The following KAZN variants were observed in gnomAD, a reference collection of about 807,000 sequenced individuals.
The protein encoded by KAZN is kazrin.
A neutral mutation model predicts 87.4 loss-of-function variants in KAZN; 40 were observed. The observed-to-expected ratio is 0.46, with a 90% CI of 0.36 to 0.60. KAZN has a LOEUF of 0.60. KAZN is among the 20% of genes least tolerant of loss of function. KAZN has a pLI of 0.00. For missense variants in KAZN, 898 were observed against 1,073.9 expected, an observed-to-expected ratio of 0.84 and a Z score of 2.29; for synonymous variants, 466 against 458.3, an observed-to-expected ratio of 1.02 and a Z score of -0.22.
At chr1:14,323,425 C>A (rs1363184374) in intron 2 of KAZN, among the ~76,000 whole-genome samples, 1 of 152,040 alleles carries the variant, frequency 6.6e-6, no homozygotes, top group Non-Finnish European at 1.5e-5. Context: ...ATATAAAATA[C>A]CCTCTCCCCT....
intron 2 of KAZN, among the ~76,000 whole-genome samples, chr1:14,411,938 T>G (rs529073381): frequency 6.6e-6 from 1 of 152,244 alleles, no homozygotes; most frequent in African/African-American, 2.4e-5. Flanking sequence ...TTAGAGAAAT[T>G]TGAAATGACA....
At chr1:14,877,156 G>C (rs937146694) in intron 1 of KAZN, among the ~76,000 whole-genome samples, 4 of 152,066 alleles carry the variant, frequency 2.6e-5, no homozygotes, top group Non-Finnish European at 4.4e-5. Context: ...GCACTCTCTC[G>C]GACTCTCTTG....
intron 1 of KAZN, among the ~76,000 whole-genome samples, chr1:14,640,025 T>C (rs1285838481): frequency 1.3e-5 from 2 of 152,142 alleles, no homozygotes; most frequent in East Asian, 1.9e-4. Context: ...GGGAGGACCA[T>C]GGGCACAGCT....
chr1:14,061,360 A>T (rs1198024924), intron 1 of KAZN, among the ~76,000 whole-genome samples: 1 of 152,164 alleles, frequency 6.6e-6, no homozygotes, highest in Non-Finnish European at 1.5e-5. Context: ...GATTCCTGGG[A>T]AAAGGGTCAG....
chr1:14,511,400 A>G (rs1428223928), intron 2 of KAZN, among the ~76,000 whole-genome samples: 3 of 152,178 alleles, frequency 2.0e-5, no homozygotes, highest in East Asian at 1.9e-4. Flanking sequence ...CACTTCAGGG[A>G]GTAGAAACTA....
chr1:14,320,911 T>G (rs1656002718), intron 2 of KAZN, among the ~76,000 whole-genome samples: 3 of 152,214 alleles, frequency 2.0e-5, no homozygotes, highest in African/African-American at 7.2e-5. Flanking sequence ...TAAAGTCTCT[T>G]CCAGCTCTAA....
chr1:14,290,545 C>T lies in KAZN; in HGVS notation c.249+109953C>T, dbSNP rs530836675. On this transcript the variant is annotated intron_variant, in intron 2 of 16. Coordinates refer to the KAZN transcript ENST00000636203. Reference sequence around the variant, plus strand: ...GCTCCATCAGGTCATTTAAGGTCTTCTCTACACTGTTTGTTCTAGTTAGCC... The same window carrying T: ...GCTCCATCAGGTCATTTAAGGTCTTTTCTACACTGTTTGTTCTAGTTAGCC... 8.5e-5 allele frequency among the ~76,000 whole-genome samples: 13 copies of T among 152,316 alleles called. No individual in the cohort carries two copies. The South Asian group carries it at 1.0e-3, about 12-fold the overall frequency.
At chr1:14,248,456 G>T (rs1649712283) in intron 2 of KAZN, among the ~76,000 whole-genome samples, 1 of 152,202 alleles carries the variant, frequency 6.6e-6, no homozygotes, top group Non-Finnish European at 1.5e-5. Context: ...AAGAAGAATC[G>T]GACAGCTCCA....
At chr1:14,514,218 G>C (rs1377432887) in intron 2 of KAZN, among the ~76,000 whole-genome samples, 2 of 139,956 alleles carry the variant, frequency 1.4e-5, no homozygotes, top group African/African-American at 5.4e-5. Context: ...CCAGCTACTC[G>C]GGAGGCTGAG....
At chr1:14,474,577 G>A (rs934163929) in intron 2 of KAZN, among the ~76,000 whole-genome samples, 1 of 152,198 alleles carries the variant, frequency 6.6e-6, no homozygotes, top group African/African-American at 2.4e-5. Flanking sequence ...CTGTGTGAGA[G>A]GTGGTCGGAA....
chr1:14,243,319 C>A (rs1387684718), intron 2 of KAZN, among the ~76,000 whole-genome samples: 2 of 152,168 alleles, frequency 1.3e-5, no homozygotes, highest in East Asian at 3.9e-4. Context: ...TCTAGTCGGG[C>A]CCTACCCTTT....
chr1:14,438,759 T>C (rs1198815302), intron 2 of KAZN, among the ~76,000 whole-genome samples: 1 of 152,212 alleles, frequency 6.6e-6, no homozygotes, highest in African/African-American at 2.4e-5. Context: ...GTGAAATGAA[T>C]GAGAAATTAC....
At chr1:13,980,837 T>C (rs190151668) in intron 1 of KAZN, among the ~76,000 whole-genome samples, 76 of 152,030 alleles carry the variant, frequency 5.0e-4, no homozygotes, top group Admixed American at 4.6e-3. Context: ...ACTCAAATGA[T>C]TGGCGGTTGG....
At chr1:14,150,751 G>A (rs1030940430) in intron 1 of KAZN, among the ~76,000 whole-genome samples, 7 of 152,030 alleles carry the variant, frequency 4.6e-5, no homozygotes, top group African/African-American at 1.7e-4. Context: ...GACCTCACTT[G>A]GAGATAACCA....
intron 1 of KAZN, among the ~76,000 whole-genome samples, chr1:14,138,011 T>A (rs911936442): frequency 3.9e-5 from 6 of 152,086 alleles, no homozygotes; most frequent in African/African-American, 1.4e-4. Flanking sequence ...ATGGGGATAA[T>A]AGTACGGGCT....
At chr1:14,234,670 G>T (rs920183367) in intron 2 of KAZN, among the ~76,000 whole-genome samples, 1 of 152,166 alleles carries the variant, frequency 6.6e-6, no homozygotes, top group South Asian at 2.1e-4. Context: ...GGTTGAAGTG[G>T]GTGGAGCATG....
intron 2 of KAZN, among the ~76,000 whole-genome samples, chr1:15,018,857 C>T (rs951562700): frequency 7.9e-5 from 12 of 152,200 alleles, no homozygotes; most frequent in African/African-American, 2.2e-4. Context: ...GCTGTCTTCA[C>T]ACCTTTGAAA....
intron 1 of KAZN, among the ~76,000 whole-genome samples, chr1:14,638,706 T>C (rs1293528914): frequency 6.6e-6 from 1 of 152,176 alleles, no homozygotes; most frequent in African/African-American, 2.4e-5. Flanking sequence ...AGGATGGGAT[T>C]GAGTGTGCCG....
chr1:14,128,027 T>C (rs1644911957), intron 1 of KAZN, among the ~76,000 whole-genome samples: 1 of 152,144 alleles, frequency 6.6e-6, no homozygotes, highest in Non-Finnish European at 1.5e-5. Flanking sequence ...ATGTCAAATC[T>C]GAAGGTCCCA....
Sources: allele counts gnomAD v4.1 joint callset (sites outside exome capture counted in the v4.1 genomes callset), GRCh38; gene constraint gnomAD v4.1.1; transcripts MANE v1.5; gene names NCBI Gene and HGNC (gene_info 2026-07-23, HGNC 2026-07-21).